The following BTN3A3 variants were observed in gnomAD, a reference collection of about 807,000 sequenced individuals.
BTN3A3 encodes the protein butyrophilin 3.
In BTN3A3, 39 loss-of-function variants were observed where a neutral mutation model predicts 43.2. That is an observed-to-expected ratio of 0.90 (90% CI 0.70 to 1.18). The LOEUF (loss-of-function observed/expected upper bound fraction) is 1.18, where lower values mean the gene tolerates loss of function less well. Among genes scored for constraint, BTN3A3 ranks in the 50% most tolerant of loss-of-function variants. The pLI, the probability that BTN3A3 is intolerant of heterozygous loss-of-function variation, is 0.00. For missense variants in BTN3A3, 631 were observed against 722.8 expected (o/e 0.87, Z 1.46); for synonymous variants, 255 against 272.7 (o/e 0.93, Z 0.64).
rs1386461465 is a variant in BTN3A3 at position 26,445,976 on chromosome 6, T to A, written c.706T>A (p.Ser236Thr). The A allele has an allele frequency of 4.3e-6, 7 of 1,614,110 alleles. No homozygotes were observed. The South Asian group carries it at 7.7e-5, about 18-fold the overall frequency. ...CGGCCTGGAAAAGACAGCCAGCATA[T>A]CCATCGCAGGTCAGTACCCTGCTTG... is the stretch of plus-strand genomic sequence containing the variant. ...LLGLEKTASI[S>T]IADPFFRSAQ... is the part of the protein sequence containing the mutation. Residue 236 changes from serine to threonine, a missense_variant, in exon 5 of 11, where the codon TCC (serine) becomes ACC (threonine). Physicochemically the swap from Ser to Thr is moderately conservative, Grantham distance 58. This residue lies in a region of BTN3A3 where 551 missense variants were observed against 584.0 expected (regional missense o/e 0.94). Coordinates refer to ENST00000244519, the MANE Select transcript of BTN3A3 (RefSeq NM_006994.5).
At chr6:26,441,407 T>G (rs960290357) in intron 1 of BTN3A3, among the ~76,000 whole-genome samples, 1 of 152,196 alleles carries the variant, frequency 6.6e-6, no homozygotes, top group Non-Finnish European at 1.5e-5. Context: ...CTTTACTAAT[T>G]TTGGCTATTT....
chr6:26,447,800 G>A (rs1260521187), intron 5 of BTN3A3, among the ~76,000 whole-genome samples: 1 of 152,106 alleles, frequency 6.6e-6, no homozygotes, highest in East Asian at 1.9e-4. Context: ...GTCACATAGG[G>A]GAGCCAGCAT....
In BTN3A3 at chr6:26,445,914, G is replaced by C. The variant is rs752375054; in HGVS notation, c.644G>C (p.Gly215Ala). Residue 215 changes from glycine to alanine, a missense_variant, in exon 5 of 11, where the codon GGT becomes GCT. Gly to Ala is a moderately conservative substitution (Grantham distance 60, BLOSUM62 0). This residue lies in a region of BTN3A3 where 551 missense variants were observed against 584.0 expected (regional missense o/e 0.94). Transcript: ENST00000244519. ...TCTGTGATCATGAGAGGCAGCTCTG[G>C]TGGGGGTGTATCCTGCATCATCAGA... Reference protein sequence around the residue: ...AASVIMRGSSGGGVSCIIRNS... With the variant: ...AASVIMRGSSAGGVSCIIRNS... 2 of 1,614,200 alleles carry C rather than the reference G, an allele frequency of 1.2e-6. No individual in the cohort carries two copies. The highest frequency in any genetic ancestry group is 3.3e-5 in the Admixed American group (2 of 60,026).
chr6:26,441,909 CAT>C (rs1266932516), intron 1 of BTN3A3, among the ~76,000 whole-genome samples: 1 of 152,074 alleles, frequency 6.6e-6, no homozygotes, highest in Non-Finnish European at 1.5e-5. Flanking sequence ...AGAATGAAAA[CAT>C]ATGTCTCACT....
chr6:26,449,096 CTTG>C, intron 8 of BTN3A3: 1 of 306,712 alleles, frequency 3.3e-6, no homozygotes, highest in Admixed American at 4.6e-5. Context: ...AGGAAACTTA[CTTG>C]TTGTTTTCCA....
chr6:26,447,534 T>G (rs1762811348), intron 5 of BTN3A3, among the ~76,000 whole-genome samples: 1 of 152,154 alleles, frequency 6.6e-6, no homozygotes, highest in Non-Finnish European at 1.5e-5. Flanking sequence ...AGCTAATTTT[T>G]GTAATTTTAG....
chr6:26,448,577 A>G (rs765360272), intron 6 of BTN3A3, 40 bp from the exon 7 acceptor site: 3 of 1,612,864 alleles, frequency 1.9e-6, no homozygotes, highest in African/African-American at 2.7e-5. Context: ...CTTACCCATA[A>G]CTGTTCTTTT....
Position 26,452,531 on chromosome 6 carries a change from A to G in BTN3A3, c.*120A>G. On this transcript the variant is annotated 3_prime_UTR_variant, in exon 11 of 11. Coordinates refer to ENST00000244519, the MANE Select transcript of BTN3A3 (RefSeq NM_006994.5). The stretch of plus-strand genomic sequence containing the variant: ...GAATTAACTTTACAAAGTAGACATG[A>G]CAAGTGAACAGCAGAGCTGGGATCT... 1 of 835,948 alleles carries G rather than the reference A, an allele frequency of 1.2e-6. No homozygotes were observed. The allele number at this position is 835,948 out of a possible 1,614,324, so 51.8% of individuals were successfully genotyped here.
In BTN3A3 at chr6:26,452,658, G is replaced by A. The variant is rs955706522; in HGVS notation, c.*247G>A. The A allele has an allele frequency of 1.4e-5, 6 of 440,828 alleles. No individual in the cohort carries two copies. The highest frequency in any genetic ancestry group is 4.0e-5 in the Admixed American group (1 of 24,994). The allele number at this position is 440,828 out of a possible 1,614,324, so 27.3% of individuals were successfully genotyped here. A position where few individuals can be genotyped will look rare whatever the true frequency, so the allele number is the denominator to read the frequency against. On this transcript the variant is annotated 3_prime_UTR_variant, in exon 11 of 11. Transcript: ENST00000244519. ...CCTTTAATCCTCACAACACCCTGTC[G>A]GGTAGTCATATTTTGCAAGTATGGA...
rs1581661856 is a variant in BTN3A3 at position 26,453,349 on chromosome 6, G to T, written c.*938G>T. 1 of 152,090 alleles carries T rather than the reference G, an allele frequency of 6.6e-6. No homozygotes were observed. Among genetic ancestry groups the T allele is most frequent in the East Asian group, 1.9e-4 (1 of 5,188 alleles). The allele number at this position is 152,090 out of a possible 1,614,324, so 9.4% of individuals were successfully genotyped here. A position where few individuals can be genotyped will look rare whatever the true frequency, so the allele number is the denominator to read the frequency against. ...ATCATCACTATTATTGCTCACCACT[G>T]TATCCCCTCTACTTGGCAAGTGGTT... On this transcript the variant is annotated 3_prime_UTR_variant, in exon 11 of 11. Coordinates refer to ENST00000244519, the MANE Select transcript of BTN3A3 (RefSeq NM_006994.5).
chr6:26,451,529 A>T, intron 10 of BTN3A3, 146 bp from the exon 11 acceptor site: 1 of 1,435,942 alleles, frequency 7.0e-7, no homozygotes, highest in Non-Finnish European at 9.2e-7. Flanking sequence ...CTCCCATGAC[A>T]TTGATGAGAG....
rs1230873451 is a variant in BTN3A3 at position 26,443,492 on chromosome 6, C to G, written c.-6+50C>G. The G allele has an allele frequency of 2.5e-6, 4 of 1,600,718 alleles. No homozygotes were observed. In the African/African-American group the frequency reaches 5.4e-5, roughly 21 times the overall value. On this transcript the variant is annotated intron_variant, in intron 2 of 10. Coordinates refer to ENST00000244519, the MANE Select transcript of BTN3A3 (RefSeq NM_006994.5). Reference sequence around the variant, plus strand: ...CTTGAGTTAGCCCTGGGGAAGTGGACATTTCCATGCAGAAGCCTAAAGCTT... The same window carrying G: ...CTTGAGTTAGCCCTGGGGAAGTGGAGATTTCCATGCAGAAGCCTAAAGCTT...
In BTN3A3 at chr6:26,445,974, T is replaced by C. The variant is rs1009846197; in HGVS notation, c.704T>C (p.Ile235Thr). The C allele has an allele frequency of 6.2e-7, 1 of 1,614,152 alleles. No homozygotes were observed. The change falls in exon 5 of 11, where the codon ATA (isoleucine) becomes ACA (threonine). Residue 235 changes from isoleucine (I) to threonine (T), a missense_variant. Coordinates refer to ENST00000244519, the MANE Select transcript of BTN3A3 (RefSeq NM_006994.5). ...SLLGLEKTASISIADPFFRSA... is the reference protein window; with the variant it reads ...SLLGLEKTASTSIADPFFRSA... ...CTCGGCCTGGAAAAGACAGCCAGCA[T>C]ATCCATCGCAGGTCAGTACCCTGCT...
intron 5 of BTN3A3, among the ~76,000 whole-genome samples, chr6:26,447,649 C>A (rs1581655525): frequency 6.6e-6 from 1 of 152,182 alleles, no homozygotes; most frequent in Admixed American, 6.5e-5. Flanking sequence ...AGGCATGACC[C>A]ACTGCAGCCC....
chr6:26,449,527 G>A, intron 8 of BTN3A3, 135 bp from the exon 9 acceptor site: 1 of 878,116 alleles, frequency 1.1e-6, no homozygotes, highest in South Asian at 1.6e-5. Flanking sequence ...AGAGAGAATT[G>A]AGCTTGCAGA....
rs937910695 is a variant in BTN3A3, at chr6:26,451,944, G to T, written c.1288G>T (p.Gly430Ter). Residue 430 changes from glycine (G) to a stop codon, truncating the protein, a stop_gained, in exon 11 of 11, where the codon GGA (glycine) becomes TGA (stop). Transcript: ENST00000244519. LOFTEE classifies it low-confidence loss of function (END_TRUNC). Reference protein sequence around the residue: ...KGWVKMTPENGYWTMGLTDGN... With the variant: ...KGWVKMTPEN ...TTGGGTCAAAATGACACCGGAGAAC[G>T]GATACTGGACTATGGGCCTGACTGA... 1.2e-6 allele frequency: 2 copies of T among 1,614,108 alleles called. No individual in the cohort carries two copies. Among genetic ancestry groups the T allele is most frequent in the Non-Finnish European group, 1.7e-6 (2 of 1,180,020 alleles).
chr6:26,445,473 C>G (rs1762750991), intron 4 of BTN3A3: 3 of 578,512 alleles, frequency 5.2e-6, no homozygotes, highest in Non-Finnish European at 9.1e-6. Context: ...GAACAGATCC[C>G]TCTCCTCCTC....
At chr6:26,445,466 C>T (rs1451363681) in intron 4 of BTN3A3, 4 of 564,090 alleles carry the variant, frequency 7.1e-6, no homozygotes, top group Admixed American at 3.1e-5. Flanking sequence ...GTCTCCGGAA[C>T]AGATCCCTCT....
chr6:26,443,105 C>T (rs999774734), intron 1 of BTN3A3, among the ~76,000 whole-genome samples: 12 of 152,204 alleles, frequency 7.9e-5, no homozygotes, highest in African/African-American at 2.9e-4. Flanking sequence ...GGCAGTCTGC[C>T]TGGATCCCAC....
Sources: gnomAD v4.1 joint callset for allele counts (sites outside exome capture counted in the v4.1 genomes callset) on GRCh38, gnomAD v4.1.1 for gene constraint, gnomAD v4.1.1 regional missense constraint, MANE v1.5 for transcripts, NCBI Gene and HGNC (gene_info 2026-07-23, HGNC 2026-07-21) for gene names.